SLC4A10: variants seen among roughly 807,000 people sequenced by gnomAD.
SLC4A10 encodes solute carrier family 4 member 10.
A neutral mutation model predicts 137.7 loss-of-function variants in SLC4A10; 42 were observed. The ratio of observed to expected loss-of-function variants is 0.30; its 90% CI spans 0.24 to 0.39. The LOEUF (loss-of-function observed/expected upper bound fraction) is 0.39, where lower values mean the gene tolerates loss of function less well. Ranked by LOEUF, SLC4A10 falls within the 10% of genes least tolerant of loss-of-function variation. The probability of loss-of-function intolerance (pLI) is 1.00; values close to 1 mark genes in which losing one functional copy is unlikely to be tolerated. For missense variants in SLC4A10, 925 were observed against 1,355.0 expected, an observed-to-expected ratio of 0.68 and a Z score of 4.98; for synonymous variants, 474 against 464.1, an observed-to-expected ratio of 1.02 and a Z score of -0.27.
intron 1 of SLC4A10, among the ~76,000 whole-genome samples, chr2:161,644,591 A>G (rs2035772415): frequency 1.3e-5 from 2 of 152,204 alleles, no homozygotes; most frequent in African/African-American, 4.8e-5. Context: ...CTATGAATGG[A>G]TTTGAATAAC....
chr2:161,681,542 A>C (rs2040851003), intron 1 of SLC4A10, among the ~76,000 whole-genome samples: 1 of 152,120 alleles, frequency 6.6e-6, no homozygotes, highest in Non-Finnish European at 1.5e-5. Context: ...TCTTAGGTCA[A>C]AAACTTAGTA....
intron 1 of SLC4A10, among the ~76,000 whole-genome samples, chr2:161,759,904 C>T (rs1574817048): frequency 6.6e-6 from 1 of 151,950 alleles, no homozygotes; most frequent in African/African-American, 2.4e-5. Flanking sequence ...TCTAGAGTAA[C>T]AAAAATTTTT....
intron 1 of SLC4A10, among the ~76,000 whole-genome samples, chr2:161,707,577 A>G (rs1476052567): frequency 1.3e-5 from 2 of 151,366 alleles, no homozygotes; most frequent in African/African-American, 4.8e-5. Context: ...ATATTAGAAC[A>G]CTTTATCAAT....
At chr2:161,678,652 A>T (rs1459420515) in intron 1 of SLC4A10, among the ~76,000 whole-genome samples, 1 of 152,170 alleles carries the variant, frequency 6.6e-6, no homozygotes, top group East Asian at 1.9e-4. Flanking sequence ...GATAACCATT[A>T]TTCCAATGTC....
chr2:161,978,279 T>C, intron 26 of SLC4A10, among the ~76,000 whole-genome samples: 1 of 149,062 alleles, frequency 6.7e-6, no homozygotes, highest in East Asian at 2.0e-4. Flanking sequence ...CCCAGCTACT[T>C]TGGAGGCTGA....
intron 1 of SLC4A10, chr2:161,708,836 C>A (rs2043969697): frequency 6.5e-7 from 1 of 1,528,278 alleles, no homozygotes; most frequent in South Asian, 1.2e-5. Context: ...TCAGGTATGA[C>A]CTCATGAATT....
At chr2:161,841,275 A>G (rs1044132299) in intron 4 of SLC4A10, among the ~76,000 whole-genome samples, 1 of 151,928 alleles carries the variant, frequency 6.6e-6, no homozygotes, top group African/African-American at 2.4e-5. Flanking sequence ...ACAGGGTTTC[A>G]CCATGTTGGC....
chr2:161,668,716 T>C (rs932870401), intron 1 of SLC4A10, among the ~76,000 whole-genome samples: 1 of 151,918 alleles, frequency 6.6e-6, no homozygotes. Context: ...TATAGTCTTT[T>C]GGAACACATT....
intron 12 of SLC4A10, among the ~76,000 whole-genome samples, chr2:161,901,448 G>A (rs1299526026): frequency 6.6e-6 from 1 of 152,106 alleles, no homozygotes; most frequent in East Asian, 1.9e-4. Flanking sequence ...ATTTGAAAGA[G>A]CTATATGATT....
chr2:161,897,594 C>A (rs1417610326), intron 11 of SLC4A10, among the ~76,000 whole-genome samples: 1 of 152,074 alleles, frequency 6.6e-6, no homozygotes, highest in Non-Finnish European at 1.5e-5. Context: ...ATTTTGAAAT[C>A]ATTTCATAAT....
chr2:161,662,948 T>A (rs1380805288), intron 1 of SLC4A10, among the ~76,000 whole-genome samples: 1 of 152,170 alleles, frequency 6.6e-6, no homozygotes, highest in Admixed American at 6.6e-5. Context: ...AACTTCCAGT[T>A]GAGAGGAAAG....
chr2:161,839,171 C>T (rs554526355), intron 3 of SLC4A10, among the ~76,000 whole-genome samples: 1 of 152,290 alleles, frequency 6.6e-6, no homozygotes, highest in South Asian at 2.1e-4. Flanking sequence ...ACAGATAAAT[C>T]TCAAAATCTC....
At chr2:161,846,021 T>A (rs2059469473) in intron 4 of SLC4A10, among the ~76,000 whole-genome samples, 4 of 152,102 alleles carry the variant, frequency 2.6e-5, no homozygotes, top group Admixed American at 2.6e-4. Context: ...TGAAAGATTC[T>A]GTTAAGTGGA....
chr2:161,647,248 A>G (rs943953835), intron 1 of SLC4A10, among the ~76,000 whole-genome samples: 4 of 152,064 alleles, frequency 2.6e-5, no homozygotes, highest in South Asian at 2.1e-4. Context: ...TTAATGGTAT[A>G]TTTCCTCAAA....
intron 10 of SLC4A10, among the ~76,000 whole-genome samples, chr2:161,882,839 G>A (rs1397645211): frequency 6.6e-6 from 1 of 152,052 alleles, no homozygotes; most frequent in African/African-American, 2.4e-5. Context: ...ACACCAAAAT[G>A]CATGCAACAT....
At chr2:161,929,010 T>C (rs1018908908) in intron 15 of SLC4A10, among the ~76,000 whole-genome samples, 1 of 152,204 alleles carries the variant, frequency 6.6e-6, no homozygotes, top group Non-Finnish European at 1.5e-5. Flanking sequence ...TTTTGTTTCT[T>C]ATGTATGGAT....
intron 1 of SLC4A10, among the ~76,000 whole-genome samples, chr2:161,636,563 A>AT (rs574551248): frequency 2.0e-4 from 31 of 151,526 alleles, no homozygotes; most frequent in African/African-American, 5.8e-4. Flanking sequence ...TACCTGGCTA[A>AT]TTTTTTTTGT....
chr2:161,630,174 C>G (rs1359727220), intron 1 of SLC4A10, among the ~76,000 whole-genome samples: 1 of 151,786 alleles, frequency 6.6e-6, no homozygotes, highest in African/African-American at 2.4e-5. Context: ...TCCTCTTGCT[C>G]CACACACTTA....
chr2:161,820,883 T>C (rs997920036), intron 3 of SLC4A10, among the ~76,000 whole-genome samples: 4 of 152,216 alleles, frequency 2.6e-5, no homozygotes, highest in African/African-American at 9.6e-5. Context: ...AAAATTGGGG[T>C]ACATATTTAC....
Sources: gnomAD v4.1 joint callset for allele counts (sites outside exome capture counted in the v4.1 genomes callset) on GRCh38, gnomAD v4.1.1 for gene constraint, MANE v1.5 for transcripts, NCBI Gene and HGNC (gene_info 2026-07-23, HGNC 2026-07-21) for gene names.